STX11: variants seen among roughly 807,000 people sequenced by gnomAD.
The protein encoded by STX11 is syntaxin 11.
Under a neutral mutation model 19.9 loss-of-function variants are expected in STX11, and 21 were observed. The observed-to-expected ratio is 1.06, with a 90% CI of 0.75 to 1.52. The LOEUF (loss-of-function observed/expected upper bound fraction) is 1.52. Ranked by LOEUF, STX11 falls within the 40% of genes most tolerant of loss-of-function variation. STX11 has a pLI of 0.00. For missense variants in STX11, 438 were observed against 405.9 expected, an observed-to-expected ratio of 1.08 and a Z score of -0.68; for synonymous variants, 193 against 174.4, an observed-to-expected ratio of 1.11 and a Z score of -0.84.
chr6:144,147,451 T>G (rs892238173), upstream of STX11, among the ~76,000 whole-genome samples: 5 of 152,238 alleles, frequency 3.3e-5, no homozygotes, highest in Admixed American at 3.3e-4. This position sits in a 1 kb window ranked among gnomAD's most constrained non-coding sequence, Gnocchi z 4.2. Flanking sequence ...TTTATCTATC[T>G]CACTAATCAG....
chr6:144,161,620 A>C (rs1365621888), intron 1 of STX11, among the ~76,000 whole-genome samples: 1 of 152,116 alleles, frequency 6.6e-6, no homozygotes, highest in African/African-American at 2.4e-5. Context: ...CACCCACCTC[A>C]GCCTCCCGAA....
Position 144,168,493 on chromosome 6 carries a change from GTA to G in STX11, c.-6+17791_-6+17792del, listed in dbSNP as rs376830708. On this transcript the variant is annotated intron_variant, in intron 1 of 1. Transcript: ENST00000367568. ...ATCAGCAGTCAATGAATGAAGAACT[GTA>G]GCCTCTTTGTTGATGTTAAAAAAAA... is the stretch of plus-strand genomic sequence containing the variant. 5.5e-4 allele frequency among the ~76,000 whole-genome samples: 84 copies of G among 152,150 alleles called. No individual in the cohort carries two copies. In the East Asian group the frequency reaches 0.014, roughly 25 times the overall value.
upstream of STX11, among the ~76,000 whole-genome samples, chr6:144,149,166 C>T (rs903731747): frequency 6.6e-6 from 1 of 152,134 alleles, no homozygotes; most frequent in Non-Finnish European, 1.5e-5. This position sits in a 1 kb window ranked among gnomAD's most constrained non-coding sequence, Gnocchi z 5.1. Flanking sequence ...ACTGTTTTTC[C>T]CTTTCCACAT....
chr6:144,171,739 G>A (rs1801643654), intron 1 of STX11, among the ~76,000 whole-genome samples: 1 of 150,990 alleles, frequency 6.6e-6, no homozygotes, highest in African/African-American at 2.4e-5. Flanking sequence ...TCTCCTCACC[G>A]TAAGTATGAC....
rs1802146879 is a variant in STX11, at chr6:144,189,058, T to C, written c.*1567T>C. Among the ~76,000 whole-genome samples, 1 of 147,940 alleles carries C rather than the reference T, an allele frequency of 6.8e-6. No homozygotes were observed. The highest frequency in any genetic ancestry group is 1.5e-5 in the Non-Finnish European group (1 of 66,780). On this transcript the variant is annotated 3_prime_UTR_variant, in exon 2 of 2. Transcript: ENST00000367568. ...CCCCCTTTTGAGACAGGGTCTCCCT[T>C]TGTCACCCAGGCTGAAGTGCAGTGG...
Position 144,156,094 on chromosome 6 carries a change from C to T in STX11, c.-6+5391C>T, listed in dbSNP as rs921890593. On this transcript the variant is annotated intron_variant, in intron 1 of 1. Transcript: ENST00000367568. ...TCCCCTCCCCACTCCTCAGGATTTTCCCTTTTATTGCACAGGCGGGAGTGC... is the reference window on the plus strand; with the variant it reads ...TCCCCTCCCCACTCCTCAGGATTTTTCCTTTTATTGCACAGGCGGGAGTGC... 4.6e-4 allele frequency among the ~76,000 whole-genome samples: 47 copies of T among 102,022 alleles called. 4 individuals carry two copies. Among genetic ancestry groups the T allele is most frequent in the African/African-American group, 1.6e-3 (44 of 27,960 alleles). 66.9% of individuals were successfully genotyped at this position (102,022 alleles called of 152,430 possible).
chr6:144,141,433 A>T, the STX11 span, among the ~76,000 whole-genome samples: 1 of 152,300 alleles, frequency 6.6e-6, no homozygotes, highest in South Asian at 2.1e-4. Context: ...AAATAATACG[A>T]TTTTTCGCCA....
chr6:144,181,962 T>C (rs1584053578), intron 1 of STX11, among the ~76,000 whole-genome samples: 1 of 152,234 alleles, frequency 6.6e-6, no homozygotes, highest in African/African-American at 2.4e-5. Flanking sequence ...TAGTTGGTTG[T>C]CAATTTTCTT....
At chr6:144,185,870 A>G (rs1802014975) in intron 1 of STX11, among the ~76,000 whole-genome samples, 1 of 152,074 alleles carries the variant, frequency 6.6e-6, no homozygotes, top group Admixed American at 6.6e-5. Context: ...TCTTCAAGAG[A>G]AAAAAATTTA....
rs1177908342 is a variant in STX11, at chr6:144,170,296, A to G, written c.-5-16327A>G. On this transcript the variant is annotated intron_variant, in intron 1 of 1. Transcript: ENST00000367568. The surrounding 1 kb of genome is among the most constrained non-coding windows in gnomAD (Gnocchi z 4.7). ...TGTGGAGCATGGTGGAGAATCTGCT[A>G]TTGGTGCATCCAGCCTGCTGCACAC... 6.6e-6 allele frequency among the ~76,000 whole-genome samples: 1 copy of G among 152,166 alleles called. No individual in the cohort carries two copies. The highest frequency in any genetic ancestry group is 1.9e-4 in the East Asian group (1 of 5,198).
intron 1 of STX11, among the ~76,000 whole-genome samples, chr6:144,158,902 G>A (rs1166308670): frequency 2.0e-5 from 3 of 152,180 alleles, no homozygotes; most frequent in Non-Finnish European, 4.4e-5. Flanking sequence ...TGCTGAAGTT[G>A]TCTGTGCCTG....
At position 144,162,757 on chromosome 6, in the gene STX11, A is replaced by C. The variant is rs1274190995; in HGVS notation, c.-6+12054A>C. ...AGGATAAGGTGGTTTGCCATGGTGG[A>C]GTTTGTGTAGGCCAAGACAGGCTAA... On this transcript the variant is annotated intron_variant, in intron 1 of 1. Transcript: ENST00000367568. The surrounding 1 kb of genome is among the most constrained non-coding windows in gnomAD (Gnocchi z 4.6). 6.6e-6 allele frequency among the ~76,000 whole-genome samples: 1 copy of C among 152,218 alleles called. No homozygotes were observed. Among genetic ancestry groups the C allele is most frequent in the Non-Finnish European group, 1.5e-5 (1 of 68,046 alleles).
the STX11 span, among the ~76,000 whole-genome samples, chr6:144,141,446 T>A: frequency 6.6e-6 from 1 of 152,220 alleles, no homozygotes; most frequent in Non-Finnish European, 1.5e-5. Context: ...TTTCGCCACA[T>A]GTTTTCTACC....
rs1801510330 is a variant in STX11 at position 144,167,347 on chromosome 6, A to G, written c.-6+16644A>G. 6.6e-6 allele frequency among the ~76,000 whole-genome samples: 1 copy of G among 152,252 alleles called. No individual in the cohort carries two copies. The highest frequency in any genetic ancestry group is 1.9e-4 in the East Asian group (1 of 5,194). ...TGGATTTTGGAATATTTGCATATAC[A>G]TCATGAGATATCTTGGGGATAAGAC... On this transcript the variant is annotated intron_variant, in intron 1 of 1. Coordinates refer to ENST00000367568, the MANE Select transcript of STX11 (RefSeq NM_003764.4). The surrounding 1 kb of genome is among the most constrained non-coding windows in gnomAD (Gnocchi z 5.0).
chr6:144,146,381 T>C (rs78452911), upstream of STX11, among the ~76,000 whole-genome samples: 934 of 152,238 alleles, frequency 6.1e-3, 45 homozygotes, highest in East Asian at 0.11. This position sits in a 1 kb window ranked among gnomAD's most constrained non-coding sequence, Gnocchi z 4.4. Context: ...ACAAGAATAA[T>C]CTGGGGTTTC....
rs919272144 is a variant in STX11, at chr6:144,184,617, C to T, written c.-5-2006C>T. Among the ~76,000 whole-genome samples, 4 of 152,282 alleles carry T rather than the reference C, an allele frequency of 2.6e-5. No homozygotes were observed. The highest frequency in any genetic ancestry group is 1.9e-4 in the East Asian group (1 of 5,188). On this transcript the variant is annotated intron_variant, in intron 1 of 1. Transcript: ENST00000367568. This position sits in a 1 kb window ranked among gnomAD's most constrained non-coding sequence, Gnocchi z 6.5. ...CATTGGTTAAGTGGTGCTATTCTAA[C>T]GCCTGAGTGTTCACTTACTGATGAC...
At chr6:144,147,199 C>T (rs1481482174), upstream of STX11, among the ~76,000 whole-genome samples, 1 of 151,654 alleles carries the variant, frequency 6.6e-6, no homozygotes, top group Non-Finnish European at 1.5e-5. This position sits in a 1 kb window ranked among gnomAD's most constrained non-coding sequence, Gnocchi z 4.2. Context: ...CTATATGGTT[C>T]CTTCCTGTTT....
At position 144,190,149 on chromosome 6, in the gene STX11, T is replaced by C. The variant is rs1802179653; in HGVS notation, c.*2658T>C. Among the ~76,000 whole-genome samples, 1 of 152,124 alleles carries C rather than the reference T, an allele frequency of 6.6e-6. No homozygotes were observed. The highest frequency in any genetic ancestry group is 2.4e-5 in the African/African-American group (1 of 41,426). On this transcript the variant is annotated 3_prime_UTR_variant, in exon 2 of 2. Transcript: ENST00000367568. ...CTGTTACCTATAGGGAAAGAACACT[T>C]CTTCTTCCTGCTGTTTGGGAACCAT...
At chr6:144,150,516 C>T (rs1486832731), upstream of STX11, 2 of 985,272 alleles carry the variant, frequency 2.0e-6, no homozygotes, top group African/African-American at 3.5e-5. Context: ...CGGCGGCGCC[C>T]AGATGCGGCC....
Sources: gnomAD v4.1 joint callset for allele counts (sites outside exome capture counted in the v4.1 genomes callset) on GRCh38, gnomAD v4.1.1 for gene constraint, Gnocchi (gnomAD v3.1) non-coding constraint, MANE v1.5 for transcripts, NCBI Gene and HGNC (gene_info 2026-07-23, HGNC 2026-07-21) for gene names.